The following USP54 variants were observed in gnomAD, a reference collection of about 807,000 sequenced individuals.
The protein encoded by USP54 is ubiquitin specific peptidase 54.
Under a neutral mutation model 170.5 loss-of-function variants are expected in USP54, and 87 were observed. That is an observed-to-expected ratio of 0.51 (90% CI 0.43 to 0.61). USP54 has a LOEUF of 0.61. Among genes scored for constraint, USP54 ranks in the 20% least tolerant of loss-of-function variants. The pLI, the probability that USP54 is intolerant of heterozygous loss-of-function variation, is 0.00. For missense variants in USP54, 1,786 were observed against 2,047.8 expected (o/e 0.87, Z 2.47); for synonymous variants, 655 against 742.8 (o/e 0.88, Z 1.92).
Position 73,576,211 on chromosome 10 carries a change from C to G in USP54, c.-431G>C, listed in dbSNP as rs1032572942. On this transcript the variant is annotated 5_prime_UTR_variant, in exon 2 of 24. Coordinates refer to ENST00000687698, the MANE Select transcript of USP54 (RefSeq NM_001391956.1). ...GCAACTGCAAAAGGTTCCACAAAGC[C>G]AAGAAGAAGCCTGTTTGAATCATCT... 6.6e-6 allele frequency: 1 copy of G among 152,170 alleles called. No homozygotes were observed. The highest frequency in any genetic ancestry group is 2.4e-5 in the African/African-American group (1 of 41,420). 9.4% of individuals were successfully genotyped at this position (152,170 alleles called of 1,614,324 possible).
chr10:73,545,413 G>A, intron 5 of USP54, 125 bp downstream of exon 5: 1 of 1,286,466 alleles, frequency 7.8e-7, no homozygotes, highest in Non-Finnish European at 1.1e-6. Context: ...AAAAATCAGA[G>A]AAAACTCCTA....
rs2073170595 is a variant in USP54, at chr10:73,561,972, A to G, written c.240+9449T>C. On this transcript the variant is annotated intron_variant, in intron 4 of 23. Coordinates refer to ENST00000687698, the MANE Select transcript of USP54 (RefSeq NM_001391956.1). ...ATCTGTTAGCTGGGCGTGGTGGCAC[A>G]CACCTGTAATCCCAGCTATTCGGGA... Among the ~76,000 whole-genome samples, 4 of 152,280 alleles carry G rather than the reference A, an allele frequency of 2.6e-5. No individual in the cohort carries two copies. In the South Asian group the frequency reaches 8.3e-4, roughly 32 times the overall value.
At position 73,521,013 on chromosome 10, in the gene USP54, A is replaced by G. The variant is rs2061801725; in HGVS notation, c.2377T>C (p.Phe793Leu). Residue 793 changes from phenylalanine to leucine, a missense_variant, in exon 18 of 24, where the codon TTT (phenylalanine) becomes CTT (leucine). Phe to Leu is a conservative substitution (Grantham distance 22, BLOSUM62 0). Transcript: ENST00000687698. ...ELQNQGRSDG[F>L]ERSLQEAESV... Reference sequence around the variant, plus strand: ...TCTGCCTCTTGCAGGGACCTCTCAAAGCCGTCACTCCTCCCTGAAAGGGCC... The same window carrying G: ...TCTGCCTCTTGCAGGGACCTCTCAAGGCCGTCACTCCTCCCTGAAAGGGCC... 1 of 1,613,882 alleles carries G rather than the reference A, an allele frequency of 6.2e-7. No homozygotes were observed. The highest frequency in any genetic ancestry group is 8.5e-7 in the Non-Finnish European group (1 of 1,180,048).
At chr10:73,561,161 C>T (rs1198587580) in intron 4 of USP54, among the ~76,000 whole-genome samples, 1 of 144,634 alleles carries the variant, frequency 6.9e-6, no homozygotes, top group African/African-American at 2.5e-5. Context: ...ATTCTATCAA[C>T]CCAGAAAACA....
intron 1 of USP54, among the ~76,000 whole-genome samples, chr10:73,625,297 C>T (rs1318825150): frequency 1.3e-5 from 2 of 151,330 alleles, no homozygotes; most frequent in African/African-American, 4.9e-5. Context: ...AGAACCTTCC[C>T]AACTAATACT....
At chr10:73,555,033 T>C (rs1307374986) in intron 4 of USP54, among the ~76,000 whole-genome samples, 1 of 152,142 alleles carries the variant, frequency 6.6e-6, no homozygotes, top group East Asian at 1.9e-4. Flanking sequence ...AGCCCAAGAG[T>C]TCCAGGCTAC....
intron 1 of USP54, among the ~76,000 whole-genome samples, chr10:73,624,733 C>T (rs2081387033): frequency 6.6e-6 from 1 of 152,158 alleles, no homozygotes; most frequent in Non-Finnish European, 1.5e-5. Context: ...ACACCTGTTT[C>T]CAGAAAACAG....
intron 19 of USP54, among the ~76,000 whole-genome samples, chr10:73,517,992 A>C (rs980346395): frequency 1.3e-5 from 2 of 152,206 alleles, no homozygotes; most frequent in Non-Finnish European, 2.9e-5. Context: ...CCAAAGTTGC[A>C]CAGTAACATT....
intron 9 of USP54, 116 bp downstream of exon 9, chr10:73,541,259 C>T (rs1590187720): frequency 6.2e-6 from 9 of 1,455,022 alleles, no homozygotes; most frequent in Non-Finnish European, 8.3e-6. Flanking sequence ...TTTATCTGTC[C>T]AAAACATTAT....
At chr10:73,607,192 C>T (rs551733837) in intron 1 of USP54, among the ~76,000 whole-genome samples, 173 of 151,676 alleles carry the variant, frequency 1.1e-3, no homozygotes, top group Non-Finnish European at 2.2e-3. Context: ...CACCTGTAGT[C>T]CCAACTACTC....
chr10:73,530,609 C>T, intron 13 of USP54, 86 bp from the exon 14 acceptor site: 1 of 1,574,088 alleles, frequency 6.4e-7, no homozygotes. Context: ...AAAGAAAAGC[C>T]CTCTGAACAG....
chr10:73,542,960 A>G, intron 6 of USP54, 58 bp downstream of exon 6: 1 of 1,608,214 alleles, frequency 6.2e-7, no homozygotes, highest in Non-Finnish European at 8.5e-7. Flanking sequence ...AACACCCCAC[A>G]TCCCAGGATA....
At chr10:73,601,340 C>A (rs1421544764) in intron 1 of USP54, among the ~76,000 whole-genome samples, 2 of 152,056 alleles carry the variant, frequency 1.3e-5, no homozygotes, top group Non-Finnish European at 2.9e-5. Flanking sequence ...GGAAAGTCAC[C>A]TCAAAAAGAA....
At chr10:73,504,293 A>C (rs2058697502) in intron 22 of USP54, 5 of 154,026 alleles carry the variant, frequency 3.2e-5, no homozygotes, top group Admixed American at 2.6e-4. Flanking sequence ...CTACAAACCT[A>C]GCCACTGATA....
chr10:73,508,674 T>G (rs1443652762), intron 20 of USP54, among the ~76,000 whole-genome samples: 1 of 151,850 alleles, frequency 6.6e-6, no homozygotes, highest in Non-Finnish European at 1.5e-5. Context: ...GAACATGTTT[T>G]TTTTTTTTTT....
At chr10:73,605,256 G>C (rs2079530535) in intron 1 of USP54, among the ~76,000 whole-genome samples, 1 of 152,168 alleles carries the variant, frequency 6.6e-6, no homozygotes, top group African/African-American at 2.4e-5. Context: ...AGTAGAGACG[G>C]GGTTTTACCA....
intron 1 of USP54, among the ~76,000 whole-genome samples, chr10:73,600,955 A>G (rs1158073741): frequency 1.3e-5 from 2 of 152,222 alleles, no homozygotes; most frequent in Non-Finnish European, 2.9e-5. Flanking sequence ...TACCTGGATG[A>G]TGAAATAATT....
intron 15 of USP54, 71 bp downstream of exon 15, chr10:73,529,609 C>G (rs1374061042): frequency 6.4e-7 from 1 of 1,563,752 alleles, no homozygotes; most frequent in African/African-American, 1.4e-5. Context: ...CTCAGCCATG[C>G]CTGAAAGCCC....
At chr10:73,572,080 G>A (rs968871738) in intron 3 of USP54, among the ~76,000 whole-genome samples, 1 of 152,174 alleles carries the variant, frequency 6.6e-6, no homozygotes. Context: ...TTGATGCAAT[G>A]TGTTGAGAAT....
Sources: allele counts gnomAD v4.1 joint callset (sites outside exome capture counted in the v4.1 genomes callset), GRCh38; gene constraint gnomAD v4.1.1; transcripts MANE v1.5; gene names NCBI Gene and HGNC (gene_info 2026-07-23, HGNC 2026-07-21).